DPP6: variants seen among roughly 807,000 people sequenced by gnomAD.
The protein encoded by DPP6 is A-type potassium channel modulatory protein DPP6.
A neutral mutation model predicts 122.6 loss-of-function variants in DPP6; 69 were observed. The observed-to-expected ratio is 0.56, with a 90% CI of 0.46 to 0.69. The LOEUF (loss-of-function observed/expected upper bound fraction) is 0.69. Among genes scored for constraint, DPP6 ranks in the 30% least tolerant of loss-of-function variants. DPP6 has a pLI of 0.00. For synonymous variants in DPP6, 418 were observed against 433.1 expected, an observed-to-expected ratio of 0.97 and a Z score of 0.43; for missense variants, 928 against 1,116.9, an observed-to-expected ratio of 0.83 and a Z score of 2.41.
intron 1 of DPP6, among the ~76,000 whole-genome samples, chr7:153,936,969 A>G (rs1801476424): frequency 6.6e-6 from 1 of 152,136 alleles, no homozygotes; most frequent in Non-Finnish European, 1.5e-5. Flanking sequence ...CCACAGGGAG[A>G]GAAAAACTCA....
At chr7:154,827,663 G>A (rs1454251312) in intron 16 of DPP6, among the ~76,000 whole-genome samples, 1 of 144,568 alleles carries the variant, frequency 6.9e-6, no homozygotes, top group Non-Finnish European at 1.5e-5. Flanking sequence ...ACGGCTGGCA[G>A]GGGGGTGGTG....
rs6953695 is a variant in DPP6, at chr7:154,486,486, G to A, written c.457+11449G>A. Among the ~76,000 whole-genome samples the A allele has an allele frequency of 0.094, 14,332 of 152,150 alleles. 2,045 individuals are homozygous for A. The highest frequency in any genetic ancestry group is 0.31 in the African/African-American group (12,853 of 41,474). ...CCATATTAGGTTCTTTGGCAGCTTTGTGACTTTATTGCTCTTCTCTTTTTC... is the reference window on the plus strand; with the variant it reads ...CCATATTAGGTTCTTTGGCAGCTTTATGACTTTATTGCTCTTCTCTTTTTC... On this transcript the variant is annotated intron_variant, in intron 3 of 25. Transcript: ENST00000377770. The surrounding 1 kb of genome is among the most constrained non-coding windows in gnomAD (Gnocchi z 4.5).
chr7:154,258,926 T>C (rs1429059724), intron 1 of DPP6, among the ~76,000 whole-genome samples: 1 of 152,180 alleles, frequency 6.6e-6, no homozygotes, highest in African/African-American at 2.4e-5. Context: ...CTACAAGATA[T>C]ATGGCACTTC....
intron 7 of DPP6, among the ~76,000 whole-genome samples, chr7:154,674,454 G>C (rs981398358): frequency 3.3e-5 from 5 of 152,160 alleles, no homozygotes; most frequent in African/African-American, 1.2e-4. Context: ...AGGGGAGGGA[G>C]GGCATGTGAA....
intron 1 of DPP6, among the ~76,000 whole-genome samples, chr7:154,172,568 G>C (rs1797588519): frequency 2.6e-5 from 4 of 152,000 alleles, no homozygotes; most frequent in Admixed American, 2.6e-4. Context: ...AATTAGCAGA[G>C]GCAAATGCAA....
chr7:153,840,901 G>A, the DPP6 span, among the ~76,000 whole-genome samples: 207 of 152,308 alleles, frequency 1.4e-3, 1 homozygote, highest in African/African-American at 4.7e-3. Context: ...AGGGTTTCTC[G>A]TCTGAGCTGA....
At chr7:154,046,691 G>A (rs939921091) in intron 1 of DPP6, among the ~76,000 whole-genome samples, 1 of 152,012 alleles carries the variant, frequency 6.6e-6, no homozygotes, top group African/African-American at 2.4e-5. Flanking sequence ...TGGAAGAAGA[G>A]ATGGAAAGAT....
chr7:153,971,587 C>T (rs1309841911), intron 1 of DPP6, among the ~76,000 whole-genome samples: 1 of 131,850 alleles, frequency 7.6e-6, no homozygotes, highest in Non-Finnish European at 1.7e-5. Context: ...TGGCAGATAT[C>T]TTTTGGCAGG....
At chr7:154,315,177 GTAGT>G (rs1316231633) in intron 1 of DPP6, among the ~76,000 whole-genome samples, 5 of 152,226 alleles carry the variant, frequency 3.3e-5, no homozygotes, top group Non-Finnish European at 7.3e-5. Context: ...GAAGTATGCA[GTAGT>G]TAATTTTCAA....
At chr7:154,744,270 A>T (rs1432878088) in intron 8 of DPP6, among the ~76,000 whole-genome samples, 1 of 152,196 alleles carries the variant, frequency 6.6e-6, no homozygotes, top group African/African-American at 2.4e-5. Context: ...TGGGGAATTG[A>T]TCTCTCAGAG....
intron 1 of DPP6, among the ~76,000 whole-genome samples, chr7:154,323,200 A>G (rs1446991091): frequency 6.6e-6 from 1 of 152,160 alleles, no homozygotes; most frequent in African/African-American, 2.4e-5. Flanking sequence ...CTGTGAGGAT[A>G]TTGTTCATTT....
At chr7:154,218,440 C>G (rs977712334) in intron 1 of DPP6, among the ~76,000 whole-genome samples, 1 of 152,168 alleles carries the variant, frequency 6.6e-6, no homozygotes, top group Non-Finnish European at 1.5e-5. Context: ...GTTAGGTACC[C>G]TGCACATGTC....
chr7:154,264,409 T>G (rs1257254590), intron 1 of DPP6, among the ~76,000 whole-genome samples: 3 of 152,174 alleles, frequency 2.0e-5, no homozygotes, highest in Non-Finnish European at 2.9e-5. Context: ...CACAAAGGCT[T>G]GAGTTTAATC....
chr7:154,709,335 A>AC lies in DPP6; in HGVS notation c.763-18431dup, dbSNP rs200573797. 5.1e-3 allele frequency among the ~76,000 whole-genome samples: 770 copies of AC among 151,452 alleles called. 7 individuals carry two copies. The highest frequency in any genetic ancestry group is 0.018 in the African/African-American group (737 of 41,094). On this transcript the variant is annotated intron_variant, in intron 7 of 25. Transcript: ENST00000377770. ...GCTAGGACTACAGGCGTGTGCTATG[A>AC]CACTCAGCTAATTTTTTAATGTTTT...
At chr7:154,466,307 A>T (rs927924728) in intron 2 of DPP6, among the ~76,000 whole-genome samples, 5 of 152,176 alleles carry the variant, frequency 3.3e-5, no homozygotes, top group African/African-American at 1.2e-4. Flanking sequence ...ATACCTATAT[A>T]ACACACCTGC....
chr7:154,009,895 T>C (rs1342758923), intron 1 of DPP6, among the ~76,000 whole-genome samples: 2 of 151,962 alleles, frequency 1.3e-5, no homozygotes, highest in Non-Finnish European at 2.9e-5. Flanking sequence ...GTGACAACTT[T>C]ATAATTAGGC....
At chr7:153,808,332 C>A in the DPP6 span, among the ~76,000 whole-genome samples, 1 of 146,346 alleles carries the variant, frequency 6.8e-6, no homozygotes, top group Non-Finnish European at 1.5e-5. Context: ...TGTCTGTGTG[C>A]ATATGTGTTT....
At chr7:154,431,180 G>A (rs943988066) in intron 1 of DPP6, among the ~76,000 whole-genome samples, 1 of 152,154 alleles carries the variant, frequency 6.6e-6, no homozygotes, top group African/African-American at 2.4e-5. Flanking sequence ...TGCCAAGGAT[G>A]CTCGCTGGGA....
At chr7:154,073,995 ATATCTATG>A (rs1411502137) in intron 1 of DPP6, among the ~76,000 whole-genome samples, 5 of 148,864 alleles carry the variant, frequency 3.4e-5, no homozygotes, top group African/African-American at 1.3e-4. Flanking sequence ...TCTAAAATAT[ATATCTATG>A]TATGTATGTA....
Sources: gnomAD v4.1 joint callset for allele counts (sites outside exome capture counted in the v4.1 genomes callset) on GRCh38, gnomAD v4.1.1 for gene constraint, Gnocchi (gnomAD v3.1) non-coding constraint, MANE v1.5 for transcripts, NCBI Gene and HGNC (gene_info 2026-07-23, HGNC 2026-07-21) for gene names.